PTPDC1: variants seen among roughly 807,000 people sequenced by gnomAD.
PTPDC1 encodes the protein protein tyrosine phosphatase domain containing 1.
A neutral mutation model predicts 75.3 loss-of-function variants in PTPDC1; 53 were observed. The observed-to-expected ratio is 0.70, with a 90% CI of 0.56 to 0.88. The LOEUF (loss-of-function observed/expected upper bound fraction) is 0.88, where lower values mean the gene tolerates loss of function less well. Ranked by LOEUF, PTPDC1 falls within the 40% of genes least tolerant of loss-of-function variation. The pLI is 0.00. For missense variants in PTPDC1, 925 were observed against 998.6 expected (o/e 0.93, Z 0.99); for synonymous variants, 349 against 366.2 (o/e 0.95, Z 0.54).
chr9:94,053,324 A>C (rs556621507), intron 1 of PTPDC1, among the ~76,000 whole-genome samples: 1 of 151,470 alleles, frequency 6.6e-6, no homozygotes, highest in East Asian at 1.9e-4. Flanking sequence ...TTTTTTTTTT[A>C]ATGTTGCCTG....
chr9:94,098,937 A>T (rs1827732881), intron 6 of PTPDC1, among the ~76,000 whole-genome samples: 1 of 152,218 alleles, frequency 6.6e-6, no homozygotes, highest in African/African-American at 2.4e-5. Context: ...TGGCAGAGGG[A>T]ATCATACTTT....
In PTPDC1 at chr9:94,084,487, G is replaced by A. The variant is rs1469325926; in HGVS notation, c.-44G>A. On this transcript the variant is annotated 5_prime_UTR_variant, in exon 1 of 9. In the 5' UTR this introduces an upstream ATG that the reference lacks. Coordinates refer to ENST00000620992, the MANE Select transcript of PTPDC1 (RefSeq NM_001253829.2). ...TCAGTGAAAGTTCCTCACTGAGTGAGTGGGGCTGACTCTTCCTGCCTCCGG... is the reference window on the plus strand; with the variant it reads ...TCAGTGAAAGTTCCTCACTGAGTGAATGGGGCTGACTCTTCCTGCCTCCGG... 6.2e-7 allele frequency: 1 copy of A among 1,600,934 alleles called. No individual in the cohort carries two copies. The highest frequency in any genetic ancestry group is 8.5e-7 in the Non-Finnish European group (1 of 1,179,000).
chr9:94,038,939 CT>C (rs1317504994), intron 1 of PTPDC1, among the ~76,000 whole-genome samples: 3 of 152,144 alleles, frequency 2.0e-5, no homozygotes, highest in Non-Finnish European at 4.4e-5. Flanking sequence ...TCATTTAACA[CT>C]TTTAAAATTT....
chr9:94,047,239 T>C (rs945376577), intron 1 of PTPDC1, among the ~76,000 whole-genome samples: 7 of 152,204 alleles, frequency 4.6e-5, no homozygotes, highest in African/African-American at 9.6e-5. Context: ...CTGCTGGATT[T>C]GGTTTGCCAG....
At position 94,097,678 on chromosome 9, in the gene PTPDC1, C is replaced by T. The variant is rs376729467; in HGVS notation, c.1112C>T (p.Ser371Phe). ...MKDVSEGPGL[S>F]AEIEKTMSEM... is the part of the protein sequence containing the mutation. ...GATGTGTCCGAAGGACCTGGTCTCTCTGCTGAAATAGAAAAGACAATGTCT... is the reference window on the plus strand; with the variant it reads ...GATGTGTCCGAAGGACCTGGTCTCTTTGCTGAAATAGAAAAGACAATGTCT... Residue 371 changes from serine to phenylalanine, a missense_variant, in exon 6 of 9, where the codon TCT (serine) becomes TTT (phenylalanine). Ser to Phe is a radical substitution (Grantham distance 155, BLOSUM62 -2). Transcript: ENST00000620992. 6.2e-7 allele frequency: 1 copy of T among 1,614,202 alleles called. No individual in the cohort carries two copies. The highest frequency in any genetic ancestry group is 1.1e-5 in the South Asian group (1 of 91,084).
Position 94,072,972 on chromosome 9 carries a change from A to G in PTPDC1, c.82+8151A>G, listed in dbSNP as rs1826563931. On this transcript the variant is annotated intron_variant, in intron 2 of 9. Coordinates refer to the PTPDC1 transcript ENST00000375360. ...CTAAGTTCAGGATTGATGTGGGACT[A>G]TAGTTTTCTCTTTTTGTACTCTCTT... 2.0e-5 allele frequency among the ~76,000 whole-genome samples: 3 copies of G among 152,054 alleles called. No individual in the cohort carries two copies. In the South Asian group the frequency reaches 6.2e-4, roughly 32 times the overall value.
chr9:94,088,013 C>G lies in PTPDC1; in HGVS notation c.497+102C>G, dbSNP rs558917157. 4 of 1,429,036 alleles carry G rather than the reference C, an allele frequency of 2.8e-6. No homozygotes were observed. In the South Asian group the frequency reaches 4.8e-5, roughly 17 times the overall value. 88.5% of individuals were successfully genotyped at this position (1,429,036 alleles called of 1,614,324 possible). On this transcript the variant is annotated intron_variant, in intron 3 of 8. Coordinates refer to ENST00000620992, the MANE Select transcript of PTPDC1 (RefSeq NM_001253829.2). ...AGAGTGCTTTCATTTTAACAATAGGCAGTGAAGAGTGTATTTCAAATGAGA... is the reference window on the plus strand; with the variant it reads ...AGAGTGCTTTCATTTTAACAATAGGGAGTGAAGAGTGTATTTCAAATGAGA...
chr9:94,067,369 G>A (rs1378000914), intron 2 of PTPDC1, among the ~76,000 whole-genome samples: 2 of 150,964 alleles, frequency 1.3e-5, no homozygotes, highest in African/African-American at 2.4e-5. Context: ...CAGCCTGGGT[G>A]ACAGAGTGAG....
At chr9:94,092,530 TG>T (rs1385851899) in intron 4 of PTPDC1, among the ~76,000 whole-genome samples, 11 of 150,628 alleles carry the variant, frequency 7.3e-5, no homozygotes, top group African/African-American at 2.7e-4. Flanking sequence ...GGAATAGGTG[TG>T]GTGTGGTGCT....
chr9:94,087,413 T>C (rs914485476), intron 2 of PTPDC1, among the ~76,000 whole-genome samples: 2 of 152,112 alleles, frequency 1.3e-5, no homozygotes, highest in African/African-American at 4.8e-5. Context: ...ATTTTAAAAA[T>C]TAACCTAAAG....
chr9:94,040,527 G>A (rs1005250059), intron 1 of PTPDC1, among the ~76,000 whole-genome samples: 6 of 152,088 alleles, frequency 3.9e-5, no homozygotes, highest in Admixed American at 1.3e-4. Context: ...TTAATGAAAG[G>A]TATTAGTAAA....
intron 1 of PTPDC1, among the ~76,000 whole-genome samples, chr9:94,033,367 G>A (rs1240599564): frequency 2.6e-5 from 4 of 152,110 alleles, no homozygotes; most frequent in Admixed American, 1.3e-4. Context: ...TATCTGGATC[G>A]TTTCACGTAC....
At chr9:94,092,784 T>A (rs1210446081) in intron 4 of PTPDC1, among the ~76,000 whole-genome samples, 2 of 149,762 alleles carry the variant, frequency 1.3e-5, no homozygotes, top group African/African-American at 4.9e-5. Flanking sequence ...TGGGTGCATA[T>A]ATATTTAGGA....
At chr9:94,100,329 T>G (rs1003653392) in intron 6 of PTPDC1, 7 of 152,234 alleles carry the variant, frequency 4.6e-5, no homozygotes, top group African/African-American at 1.7e-4. Context: ...AGATAGTCAT[T>G]TTGCTAAGAG....
intron 2 of PTPDC1, among the ~76,000 whole-genome samples, chr9:94,068,398 A>G (rs915257860): frequency 2.0e-5 from 3 of 149,318 alleles, no homozygotes; most frequent in African/African-American, 7.4e-5. Context: ...ATTATAGACA[A>G]TTTTTTTTTT....
chr9:94,069,700 A>G (rs1826444954), intron 2 of PTPDC1, among the ~76,000 whole-genome samples: 1 of 150,372 alleles, frequency 6.7e-6, no homozygotes, highest in African/African-American at 2.5e-5. Context: ...TTTTTAGTAG[A>G]GACGGGGTTT....
At position 94,098,107 on chromosome 9, in the gene PTPDC1, A is replaced by G. The variant is rs745586903; in HGVS notation, c.1541A>G (p.Lys514Arg). 6.2e-7 allele frequency: 1 copy of G among 1,614,102 alleles called. No homozygotes were observed. The highest frequency in any genetic ancestry group is 1.3e-5 in the African/African-American group (1 of 74,926). The change falls in exon 6 of 9, where the codon AAG (lysine) becomes AGG (arginine). Residue 514 changes from lysine (K) to arginine (R), a missense_variant. Physicochemically the swap from Lys to Arg is conservative, Grantham distance 26 (BLOSUM62 2). Transcript: ENST00000620992. ...RSTLSFWSQS[K>R]FGGLEGLKDN... ...ACACTTTCTTTCTGGAGTCAGTCAAAGTTTGGAGGCCTGGAAGGACTCAAA... is the reference window on the plus strand; with the variant it reads ...ACACTTTCTTTCTGGAGTCAGTCAAGGTTTGGAGGCCTGGAAGGACTCAAA...
chr9:94,104,439 G>A, intron 8 of PTPDC1, 54 bp downstream of exon 8: 5 of 1,222,440 alleles, frequency 4.1e-6, no homozygotes, highest in Admixed American at 1.8e-5. Context: ...CATCATCTTT[G>A]TAAATCAGAA....
At chr9:94,095,242 T>TGGTCGCA in intron 4 of PTPDC1, 75 bp from the exon 5 acceptor site, 1 of 1,062,794 alleles carries the variant, frequency 9.4e-7, no homozygotes, top group Non-Finnish European at 1.3e-6. Context: ...TGTAGATCTG[T>TGGTCGCA]GTACTTTTCA....
Sources: gnomAD v4.1 joint callset for allele counts (sites outside exome capture counted in the v4.1 genomes callset) on GRCh38, gnomAD v4.1.1 for gene constraint, MANE v1.5 for transcripts, NCBI Gene and HGNC (gene_info 2026-07-23, HGNC 2026-07-21) for gene names.